Variants in POFUT4 observed in about 807,000 individuals in gnomAD.
The protein encoded by POFUT4 is protein O-fucosyltransferase 4.
chr10:73,772,893 C>T, the POFUT4 span: 11 of 1,611,974 alleles, frequency 6.8e-6, no homozygotes, highest in Non-Finnish European at 9.3e-6. Context: ...CTGCCCGGGA[C>T]CGCCTATCTG....
At chr10:73,773,175 C>T in the POFUT4 span, 9 of 1,596,222 alleles carry the variant, frequency 5.6e-6, no homozygotes, top group East Asian at 1.8e-4. Context: ...GACAGCCTTA[C>T]TGTACCCGGT....
chr10:73,772,496 G>T, the POFUT4 span: 4 of 1,557,382 alleles, frequency 2.6e-6, no homozygotes, highest in Non-Finnish European at 3.5e-6. Context: ...GGCGCTGGGC[G>T]CAGTGGGGGT....
At chr10:73,773,602 G>A in the POFUT4 span, 1 of 1,614,274 alleles carries the variant, frequency 6.2e-7, no homozygotes, top group East Asian at 2.2e-5. Flanking sequence ...CGGGAGTGGG[G>A]AGTGAATGAT....
the POFUT4 span, chr10:73,773,524 T>G: frequency 6.2e-7 from 1 of 1,614,112 alleles, no homozygotes; most frequent in Non-Finnish European, 8.5e-7. Flanking sequence ...GAGGAGTATA[T>G]GAAATACCTG....
the POFUT4 span, among the ~76,000 whole-genome samples, chr10:73,776,893 A>G: frequency 6.6e-6 from 1 of 152,134 alleles, no homozygotes; most frequent in Non-Finnish European, 1.5e-5. Flanking sequence ...GTTGGCAAGG[A>G]TAGTCTCGAT....
the POFUT4 span, chr10:73,780,209 TATCTC>T: frequency 4.3e-4 from 65 of 152,372 alleles, no homozygotes; most frequent in African/African-American, 1.4e-3. Flanking sequence ...TATTTTCTAT[TATCTC>T]AGGTTTCGTT....
the POFUT4 span, chr10:73,772,978 G>A: frequency 6.2e-7 from 1 of 1,601,094 alleles, no homozygotes; most frequent in Non-Finnish European, 8.5e-7. Flanking sequence ...TCTATCTGCA[G>A]TCACACTGCG....
chr10:73,777,655 A>G, the POFUT4 span, among the ~76,000 whole-genome samples: 6 of 151,814 alleles, frequency 4.0e-5, no homozygotes, highest in Non-Finnish European at 8.8e-5. Context: ...TCCCAGTTCA[A>G]GTGATTCTCC....
the POFUT4 span, chr10:73,775,280 T>A: frequency 1.3e-6 from 1 of 784,336 alleles, no homozygotes; most frequent in African/African-American, 1.7e-5. Context: ...CTGAACCCCC[T>A]CCACATTTGG....
At chr10:73,773,032 C>T in the POFUT4 span, 1 of 1,573,904 alleles carries the variant, frequency 6.4e-7, no homozygotes, top group East Asian at 2.3e-5. Context: ...AGCTCATGCG[C>T]CACATCCCGG....
the POFUT4 span, chr10:73,773,119 G>A: frequency 5.4e-6 from 2 of 371,312 alleles, no homozygotes; most frequent in Middle Eastern, 2.0e-3. Context: ...AGGACTCCAG[G>A]TGTCCAGGAC....
chr10:73,773,796 G>A, the POFUT4 span: 1 of 1,578,984 alleles, frequency 6.3e-7, no homozygotes, highest in South Asian at 1.1e-5. Flanking sequence ...CAATGTGGAA[G>A]AGATTCCTGA....
At chr10:73,778,845 G>A in the POFUT4 span, 5 of 152,106 alleles carry the variant, frequency 3.3e-5, no homozygotes, top group Non-Finnish European at 7.4e-5. Flanking sequence ...CAAGAGGGAA[G>A]ACAGACCTTC....
At chr10:73,773,698 C>T in the POFUT4 span, 3 of 1,614,108 alleles carry the variant, frequency 1.9e-6, no homozygotes, top group Non-Finnish European at 2.5e-6. Context: ...AAAGCCCACG[C>T]GGCCTCTCCC....
chr10:73,772,655 A>C, the POFUT4 span: 1 of 1,556,354 alleles, frequency 6.4e-7, no homozygotes, highest in Admixed American at 1.9e-5. Context: ...GGCGTCCCGG[A>C]ACCGCCGAGC....
the POFUT4 span, chr10:73,774,086 G>A: frequency 4.9e-6 from 2 of 412,360 alleles, no homozygotes; most frequent in South Asian, 4.8e-5. Context: ...CAGAGTACAG[G>A]GCCTGTGCAG....
the POFUT4 span, chr10:73,775,070 G>GA: frequency 4.3e-6 from 1 of 235,260 alleles, no homozygotes; most frequent in South Asian, 8.4e-5. Flanking sequence ...GGAAAAGTAT[G>GA]AAAAAATATG....
chr10:73,780,004 CAT>C, the POFUT4 span: 6 of 152,216 alleles, frequency 3.9e-5, no homozygotes, highest in African/African-American at 9.7e-5. Context: ...GGAATAGCCA[CAT>C]GATACTTACC....
the POFUT4 span, chr10:73,775,462 C>A: frequency 3.7e-6 from 6 of 1,613,908 alleles, no homozygotes; most frequent in Non-Finnish European, 5.1e-6. Flanking sequence ...CTTAAGATTT[C>A]TTTGGCCCCA....
Sources: gnomAD v4.1 joint callset for allele counts (sites outside exome capture counted in the v4.1 genomes callset) on GRCh38, gnomAD v4.1.1 for gene constraint, MANE v1.5 for transcripts, NCBI Gene and HGNC (gene_info 2026-07-23, HGNC 2026-07-21) for gene names.